Variants in ALCAM observed in about 807,000 individuals in gnomAD.
ALCAM encodes activated leukocyte cell adhesion molecule, also known as CD166 antigen.
In ALCAM, 30 loss-of-function variants were observed where a neutral mutation model predicts 70.9. The observed-to-expected ratio is 0.42, with a 90% CI of 0.32 to 0.57. ALCAM has a LOEUF of 0.57. ALCAM is among the 20% of genes least tolerant of loss of function. ALCAM has a pLI of 0.11. For missense variants in ALCAM, 591 were observed against 695.1 expected, an observed-to-expected ratio of 0.85 and a Z score of 1.68; for synonymous variants, 249 against 242.5, an observed-to-expected ratio of 1.03 and a Z score of -0.25.
At chr3:105,405,522 A>G (rs1936206449) in intron 1 of ALCAM, among the ~76,000 whole-genome samples, 1 of 152,114 alleles carries the variant, frequency 6.6e-6, no homozygotes, top group African/African-American at 2.4e-5. Flanking sequence ...CAAAGACACA[A>G]TGGACTTAAA....
intron 1 of ALCAM, among the ~76,000 whole-genome samples, chr3:105,391,290 T>A (rs1935810484): frequency 6.6e-6 from 1 of 152,096 alleles, no homozygotes; most frequent in African/African-American, 2.4e-5. Flanking sequence ...GGTTTGTAGT[T>A]GTCCTTGAAG....
chr3:105,534,598 G>A (rs1939922720), intron 5 of ALCAM, 65 bp from the exon 6 acceptor site: 6 of 1,496,654 alleles, frequency 4.0e-6, no homozygotes, highest in African/African-American at 2.8e-5. Flanking sequence ...GTGTGGTGCT[G>A]TTTCGTTAAG....
chr3:105,481,984 A>G (rs2152607760), intron 1 of ALCAM, among the ~76,000 whole-genome samples: 1 of 151,912 alleles, frequency 6.6e-6, no homozygotes, highest in East Asian at 1.9e-4. Context: ...CAAAAGTATT[A>G]TTTAACAGAT....
chr3:105,429,577 A>G (rs1262718646), intron 1 of ALCAM, among the ~76,000 whole-genome samples: 1 of 152,038 alleles, frequency 6.6e-6, no homozygotes, highest in Non-Finnish European at 1.5e-5. Context: ...AAACAAAAAG[A>G]GTATTTAAAC....
chr3:105,549,851 T>C (rs1940348928), intron 11 of ALCAM, among the ~76,000 whole-genome samples: 1 of 151,412 alleles, frequency 6.6e-6, no homozygotes. Flanking sequence ...CAGGCCAAAA[T>C]GTTGACTAAA....
intron 3 of ALCAM, among the ~76,000 whole-genome samples, chr3:105,527,797 G>T (rs1278310963): frequency 2.0e-5 from 3 of 152,002 alleles, no homozygotes; most frequent in African/African-American, 7.3e-5. Flanking sequence ...GTACTTCAGA[G>T]CTTTTATTTG....
chr3:105,496,593 G>T (rs994677239), intron 1 of ALCAM, among the ~76,000 whole-genome samples: 2 of 152,134 alleles, frequency 1.3e-5, no homozygotes, highest in African/African-American at 4.8e-5. Context: ...TGTCGTACCA[G>T]TCACCCCAGA....
At chr3:105,507,308 T>A (rs1445732055) in intron 1 of ALCAM, among the ~76,000 whole-genome samples, 1 of 152,176 alleles carries the variant, frequency 6.6e-6, no homozygotes, top group East Asian at 1.9e-4. Context: ...TACATTAGAT[T>A]TTCCTGTTGT....
intron 2 of ALCAM, among the ~76,000 whole-genome samples, chr3:105,521,256 G>C (rs567533494): frequency 1.5e-5 from 2 of 132,780 alleles, no homozygotes; most frequent in Non-Finnish European, 3.1e-5. Context: ...AGCCGAGATT[G>C]CGCCACTGCA....
chr3:105,371,467 C>A (rs905489574), intron 1 of ALCAM, among the ~76,000 whole-genome samples: 6 of 151,252 alleles, frequency 4.0e-5, no homozygotes, highest in African/African-American at 1.5e-4. Flanking sequence ...TTAATTTATT[C>A]CACTTAATTA....
intron 3 of ALCAM, among the ~76,000 whole-genome samples, chr3:105,528,995 A>G (rs1333461017): frequency 2.0e-5 from 3 of 152,208 alleles, no homozygotes; most frequent in Non-Finnish European, 4.4e-5. Flanking sequence ...TCCAACACAC[A>G]CATGCGTGCA....
chr3:105,385,025 A>G (rs1935614476), intron 1 of ALCAM, among the ~76,000 whole-genome samples: 1 of 151,556 alleles, frequency 6.6e-6, no homozygotes, highest in South Asian at 2.1e-4. Context: ...AATCTTTTCT[A>G]TTACTTGAAA....
intron 1 of ALCAM, among the ~76,000 whole-genome samples, chr3:105,517,591 TAATC>T (rs957422326): frequency 6.6e-6 from 1 of 152,152 alleles, no homozygotes; most frequent in African/African-American, 2.4e-5. Context: ...GGAGCACAAG[TAATC>T]AATCTTTAAT....
chr3:105,452,834 C>CT (rs1212620163), intron 1 of ALCAM, among the ~76,000 whole-genome samples: 1 of 152,152 alleles, frequency 6.6e-6, no homozygotes, highest in Non-Finnish European at 1.5e-5. Flanking sequence ...TGATGATGAG[C>CT]TTTTTTTCAT....
intron 1 of ALCAM, among the ~76,000 whole-genome samples, chr3:105,466,658 TA>T (rs1469834815): frequency 6.6e-6 from 1 of 151,438 alleles, no homozygotes; most frequent in African/African-American, 2.4e-5. Flanking sequence ...CATGCAGAAT[TA>T]AAAGGTTATA....
chr3:105,546,154 C>T (rs1940242232), intron 9 of ALCAM, among the ~76,000 whole-genome samples: 1 of 151,328 alleles, frequency 6.6e-6, no homozygotes. Flanking sequence ...TATATCCAAA[C>T]TCCCAGTGCA....
intron 11 of ALCAM, among the ~76,000 whole-genome samples, chr3:105,549,147 T>C (rs1576236128): frequency 6.6e-6 from 1 of 151,652 alleles, no homozygotes; most frequent in South Asian, 2.1e-4. Context: ...TAATGCCATC[T>C]TTCATTGTCA....
rs1939924876 is a variant in ALCAM at position 105,534,666 on chromosome 3, T to C, written c.551T>C (p.Val184Ala). 1 of 1,613,362 alleles carries C rather than the reference T, an allele frequency of 6.2e-7. No homozygotes were observed. Among genetic ancestry groups the C allele is most frequent in the African/African-American group, 1.3e-5 (1 of 74,882 alleles). The change falls in exon 6 of 16, where the codon GTG becomes GCG. Residue 184 changes from valine to alanine, a missense_variant. Transcript: ENST00000306107. ...CAGTGTTCTTTATTTTCTTCAGCGG[T>C]GGTCATAATTTTTAAAAAGGAAATG... ...GKVLHPLEGAVVIIFKKEMDP... is the reference protein window; with the variant it reads ...GKVLHPLEGAAVIIFKKEMDP...
intron 1 of ALCAM, among the ~76,000 whole-genome samples, chr3:105,519,635 AAC>A (rs1404519454): frequency 1.3e-5 from 2 of 152,148 alleles, no homozygotes; most frequent in African/African-American, 2.4e-5. Flanking sequence ...TCAAATGAAA[AAC>A]ACAAATATAG....
Sources: allele counts gnomAD v4.1 joint callset (sites outside exome capture counted in the v4.1 genomes callset), GRCh38; gene constraint gnomAD v4.1.1; transcripts MANE v1.5; gene names NCBI Gene and HGNC (gene_info 2026-07-23, HGNC 2026-07-21).